Variants in BCL11A observed in about 807,000 individuals in gnomAD.
BCL11A encodes B cell CLL/lymphoma 11A.
BCL11A carries 2 observed loss-of-function variants against 55.9 expected under a neutral mutation model. That is an observed-to-expected ratio of 0.04 (90% CI 0.01 to 0.11). The LOEUF (loss-of-function observed/expected upper bound fraction) is 0.11, where lower values mean the gene tolerates loss of function less well. BCL11A is among the 10% of genes least tolerant of loss of function. The pLI is 1.00. For missense variants in BCL11A, 817 were observed against 1,137.1 expected (o/e 0.72, Z 4.05); for synonymous variants, 465 against 473.4 (o/e 0.98, Z 0.23).
At chr2:60,464,073 G>C (rs999627650) in intron 3 of BCL11A, among the ~76,000 whole-genome samples, 1 of 152,132 alleles carries the variant, frequency 6.6e-6, no homozygotes, top group Non-Finnish European at 1.5e-5. Context: ...AGCCAGCCTC[G>C]CTCAAGCACT....
downstream of BCL11A, chr2:60,452,352 G>A (rs1003201750): frequency 1.6e-5 from 8 of 487,890 alleles, no homozygotes; most frequent in African/African-American, 1.5e-4. Context: ...CTGATTCACT[G>A]TTCCAATGTG....
chr2:60,550,068 TGTGCTTTGCATGGGGGTGAGGG>T lies in BCL11A; in HGVS notation c.55+3126_55+3147del, dbSNP rs1388177680. Among the ~76,000 whole-genome samples the T allele has an allele frequency of 3.9e-5, 6 of 152,192 alleles. No homozygotes were observed. In the East Asian group the frequency reaches 1.2e-3, roughly 30 times the overall value. ...CAAGCCAGCCGAGGCCACCGAGGTC[TGTGCTTTGCATGGGGGTGAGGG>T]GGTGGAAGAAGTGAGGCTGGAGACC... On this transcript the variant is annotated intron_variant, in intron 1 of 3. Coordinates refer to ENST00000642384, the MANE Select transcript of BCL11A (RefSeq NM_022893.4).
At chr2:60,547,638 T>C (rs971563) in intron 1 of BCL11A, among the ~76,000 whole-genome samples, 122,364 of 152,160 alleles carry the variant, frequency 0.8, 49,416 homozygotes, top group South Asian at 0.85. Context: ...CTGCCAATTT[T>C]ACATTTAATG....
Position 60,461,992 on chromosome 2 carries a change from G to T in BCL11A, c.920C>A (p.Ala307Asp). Residue 307 changes from alanine (A) to aspartate (D), a missense_variant, in exon 4 of 4, where the codon GCT becomes GAT. Around this residue, in one of 4 missense-constraint regions of BCL11A, gnomAD observed 363 missense variants for 486.6 expected, o/e 0.75. Transcript: ENST00000642384. The stretch of plus-strand genomic sequence containing the variant: ...GAAATCCATGGCGGGAGGCTCCATA[G>T]CCATTGGATTCAACCGCAGCACCCT... ...FDRVLRLNPM[A>D]MEPPAMDFSR... The T allele has an allele frequency of 6.2e-7, 1 of 1,613,610 alleles. No homozygotes were observed. The highest frequency in any genetic ancestry group is 8.5e-7 in the Non-Finnish European group (1 of 1,179,996).
Position 60,546,233 on chromosome 2 carries a change from C to T in BCL11A, c.123G>A (p.Gly41=), listed in dbSNP as rs1227965495. Residue 41 remains glycine, a synonymous_variant, in exon 2 of 4, where the codon GGG becomes GGA. Transcript: ENST00000642384. The surrounding 1 kb of genome is among the most constrained non-coding windows in gnomAD (Gnocchi z 4.1). ...GCCCACAGGTGAGGAGGTCATGATC[C>T]CCTTCTGGAGCTCCCAACGGGCCGT... The part of the protein sequence containing the change: ...PDHGPLGAPE[G]DHDLLTCGQC... 1.9e-6 allele frequency: 3 copies of T among 1,614,186 alleles called. No homozygotes were observed.
chr2:60,478,987 T>A (rs1254798381), intron 2 of BCL11A, among the ~76,000 whole-genome samples: 1 of 150,394 alleles, frequency 6.6e-6, no homozygotes, highest in Non-Finnish European at 1.5e-5. Flanking sequence ...TTTTCCCTCC[T>A]CCCTGGCTTT....
At chr2:60,519,826 G>A (rs1668899802) in intron 2 of BCL11A, among the ~76,000 whole-genome samples, 2 of 152,210 alleles carry the variant, frequency 1.3e-5, no homozygotes, top group African/African-American at 4.8e-5. Context: ...CAATGACAAA[G>A]AAAACTCAGT....
chr2:60,530,725 T>G (rs887770206), intron 2 of BCL11A, among the ~76,000 whole-genome samples: 1 of 148,678 alleles, frequency 6.7e-6, no homozygotes, highest in African/African-American at 2.5e-5. Flanking sequence ...AAGGCTTGGC[T>G]GCACTGGGGC....
At chr2:60,502,277 T>C (rs1679334320) in intron 2 of BCL11A, among the ~76,000 whole-genome samples, 1 of 152,234 alleles carries the variant, frequency 6.6e-6, no homozygotes, top group Non-Finnish European at 1.5e-5. Flanking sequence ...GATAGCAGAT[T>C]TGCTGAGCTC....
At chr2:60,515,684 C>T (rs1668697867) in intron 2 of BCL11A, among the ~76,000 whole-genome samples, 1 of 152,200 alleles carries the variant, frequency 6.6e-6, no homozygotes, top group South Asian at 2.1e-4. Context: ...TGAAACACAG[C>T]CCAGTGCTTT....
chr2:60,542,026 G>T, intron 2 of BCL11A: 1 of 622,518 alleles, frequency 1.6e-6, no homozygotes, highest in Admixed American at 3.1e-5. Context: ...GCATGCTAAT[G>T]TATTTCCATT....
Position 60,546,984 on chromosome 2 carries a change from G to A in BCL11A, c.56-684C>T. Among the ~76,000 whole-genome samples the A allele has an allele frequency of 6.6e-6, 1 of 152,176 alleles. No homozygotes were observed. The highest frequency in any genetic ancestry group is 1.9e-4 in the East Asian group (1 of 5,206). On this transcript the variant is annotated intron_variant, in intron 1 of 3. Transcript: ENST00000642384. The surrounding 1 kb of genome is among the most constrained non-coding windows in gnomAD (Gnocchi z 4.1). ...AATTCACACTGCCAAAAACCTTTCT[G>A]CTCTCACTCTCAGCAGTGCCACAAA...
intron 2 of BCL11A, among the ~76,000 whole-genome samples, chr2:60,530,698 A>G (rs1484607915): frequency 6.8e-6 from 1 of 147,488 alleles, no homozygotes; most frequent in African/African-American, 2.5e-5. Context: ...AAGAAAAAGG[A>G]AAAAAAAAAC....
At chr2:60,499,250 G>A (rs1034262418) in intron 2 of BCL11A, among the ~76,000 whole-genome samples, 13 of 152,004 alleles carry the variant, frequency 8.6e-5, no homozygotes, top group Admixed American at 3.3e-4. Context: ...AGTGGATAGC[G>A]CCCTTCCGTC....
Position 60,459,502 on chromosome 2 carries a change from AATG to A in BCL11A, c.*899_*901del. On this transcript the variant is annotated 3_prime_UTR_variant, in exon 4 of 4. Coordinates refer to ENST00000642384, the MANE Select transcript of BCL11A (RefSeq NM_022893.4). ...GTTTATAAAATTAAACTAAAGGAAA[AATG>A]ATGATTAACTAGGACATAATGGGTC... 6.8e-6 allele frequency: 7 copies of A among 1,021,946 alleles called. No homozygotes were observed. Among genetic ancestry groups the A allele is most frequent in the Non-Finnish European group, 8.2e-6 (7 of 851,254 alleles). 63.3% of individuals were successfully genotyped at this position (1,021,946 alleles called of 1,614,324 possible).
At chr2:60,494,515 G>T (rs1229216186) in intron 2 of BCL11A, among the ~76,000 whole-genome samples, 2 of 152,200 alleles carry the variant, frequency 1.3e-5, no homozygotes, top group African/African-American at 4.8e-5. Flanking sequence ...GGGACGAAAA[G>T]TGTTCATTCC....
intron 2 of BCL11A, among the ~76,000 whole-genome samples, chr2:60,520,539 T>A (rs972981747): frequency 6.6e-6 from 1 of 152,226 alleles, no homozygotes; most frequent in African/African-American, 2.4e-5. Flanking sequence ...ATTCCGTTTA[T>A]AAGAAGGAGA....
At chr2:60,488,039 C>G (rs1179841225) in intron 2 of BCL11A, among the ~76,000 whole-genome samples, 1 of 152,142 alleles carries the variant, frequency 6.6e-6, no homozygotes, top group Non-Finnish European at 1.5e-5. Context: ...CTTATAGATC[C>G]CTCTCTGTGC....
chr2:60,539,981 A>G (rs1308640247), intron 2 of BCL11A, among the ~76,000 whole-genome samples: 2 of 152,214 alleles, frequency 1.3e-5, no homozygotes, highest in Non-Finnish European at 2.9e-5. Context: ...TCAATTTCCT[A>G]TTTGTATTAC....
Sources: gnomAD v4.1 joint callset for allele counts (sites outside exome capture counted in the v4.1 genomes callset) on GRCh38, gnomAD v4.1.1 for gene constraint, gnomAD v4.1.1 regional missense constraint, Gnocchi (gnomAD v3.1) non-coding constraint, MANE v1.5 for transcripts, NCBI Gene and HGNC (gene_info 2026-07-23, HGNC 2026-07-21) for gene names.